NUDT3: variants seen among roughly 807,000 people sequenced by gnomAD.
NUDT3 encodes diphosphoinositol polyphosphate phosphohydrolase 1.
In NUDT3, 9 loss-of-function variants were observed where a neutral mutation model predicts 23.6. That is an observed-to-expected ratio of 0.38 (90% confidence interval 0.23 to 0.66). The LOEUF is 0.66. Ranked by LOEUF, NUDT3 falls within the 30% of genes least tolerant of loss-of-function variation. NUDT3 has a pLI of 0.52. For missense variants in NUDT3, 172 were observed against 218.5 expected (o/e 0.79, Z 1.34); for synonymous variants, 86 against 82.6 (o/e 1.04, Z -0.22).
chr6:34,375,343 C>CA lies in NUDT3; in HGVS notation c.99+16920dup, dbSNP rs749568366. Among the ~76,000 whole-genome samples the CA allele has an allele frequency of 6.7e-5, 10 of 150,226 alleles. 1 individual carries two copies. Among genetic ancestry groups the CA allele is most frequent in the South Asian group, 6.3e-4 (3 of 4,744 alleles). ...TGGGCGACAGAGTAAGACTCTGTAT[C>CA]AAAAAAAAATTAAAAAATAAAAAAT... On this transcript the variant is annotated intron_variant, in intron 1 of 4. Transcript: ENST00000607016.
chr6:34,289,384 T>C (rs867452800), intron 4 of NUDT3, among the ~76,000 whole-genome samples: 36 of 151,718 alleles, frequency 2.4e-4, no homozygotes, highest in African/African-American at 8.8e-4. Flanking sequence ...CTGAGCAACA[T>C]GGCAAAACTC....
chr6:34,360,714 A>G (rs1764637227), intron 1 of NUDT3, among the ~76,000 whole-genome samples: 1 of 152,200 alleles, frequency 6.6e-6, no homozygotes, highest in South Asian at 2.1e-4. Context: ...AAGCTCAAAT[A>G]ACTAGTTTTT....
intron 4 of NUDT3, among the ~76,000 whole-genome samples, chr6:34,291,330 G>A (rs553327839): frequency 1.3e-5 from 2 of 151,714 alleles, no homozygotes; most frequent in African/African-American, 4.8e-5. Context: ...AACCTTCTAG[G>A]GAAAGATATC....
intron 2 of NUDT3, among the ~76,000 whole-genome samples, chr6:34,326,649 G>A (rs1006987956): frequency 1.3e-5 from 2 of 151,392 alleles, no homozygotes; most frequent in African/African-American, 4.9e-5. Context: ...TGCCCAGGCT[G>A]GAGTGCAGTG....
intron 1 of NUDT3, among the ~76,000 whole-genome samples, chr6:34,389,964 A>C (rs1237153568): frequency 2.2e-5 from 2 of 89,422 alleles, no homozygotes; most frequent in Admixed American, 2.9e-4. Context: ...ACTCTGTCTC[A>C]AAAAAAAAAA....
intron 2 of NUDT3, among the ~76,000 whole-genome samples, chr6:34,315,107 C>G (rs930457697): frequency 6.6e-6 from 1 of 152,182 alleles, no homozygotes; most frequent in African/African-American, 2.4e-5. Flanking sequence ...AGGGGTATTA[C>G]ATAAATCTTT....
chr6:34,385,122 A>G (rs1765084227), intron 1 of NUDT3, among the ~76,000 whole-genome samples: 1 of 151,912 alleles, frequency 6.6e-6, no homozygotes, highest in Non-Finnish European at 1.5e-5. Flanking sequence ...TTTATATATT[A>G]CTAATTATAT....
In NUDT3 at chr6:34,291,361, T is replaced by C. The variant is rs138094587; in HGVS notation, c.340+2090A>G. ...ATATCTAGCACAAGAACTACAAAAA[T>C]AGAGCTTCTGAACTTTCAAGGGCTC... is the stretch of plus-strand genomic sequence containing the variant. On this transcript the variant is annotated intron_variant, in intron 4 of 4. Transcript: ENST00000607016. Among the ~76,000 whole-genome samples, 197 of 152,224 alleles carry C rather than the reference T, an allele frequency of 1.3e-3. 1 individual carries two copies. In the East Asian group the frequency reaches 0.013, roughly 10 times the overall value.
At chr6:34,391,954 C>T (rs1765208909) in intron 1 of NUDT3, among the ~76,000 whole-genome samples, 1 of 152,250 alleles carries the variant, frequency 6.6e-6, no homozygotes, top group Admixed American at 6.5e-5. Flanking sequence ...CCGCACTCTT[C>T]CCAGCCCACT....
Position 34,361,497 on chromosome 6 carries a change from C to T in NUDT3, c.100-19525G>A, listed in dbSNP as rs75333911. ...CTTACAAAACTACATATACTCTTAC[C>T]CTATGATAACACAATCATACTTCTT... is the stretch of plus-strand genomic sequence containing the variant. On this transcript the variant is annotated intron_variant, in intron 1 of 4. Coordinates refer to ENST00000607016, the MANE Select transcript of NUDT3 (RefSeq NM_006703.4). 9.4e-3 allele frequency among the ~76,000 whole-genome samples: 1,427 copies of T among 152,164 alleles called. 19 individuals carry two copies. Among genetic ancestry groups the T allele is most frequent in the African/African-American group, 0.029 (1,213 of 41,506 alleles).
At chr6:34,291,988 AT>A (rs746504155) in intron 4 of NUDT3, among the ~76,000 whole-genome samples, 3 of 152,204 alleles carry the variant, frequency 2.0e-5, no homozygotes, top group Admixed American at 6.5e-5. Flanking sequence ...AGATTATTTC[AT>A]TAGGGTCAAT....
At chr6:34,392,202 G>C in intron 1 of NUDT3, 62 bp downstream of exon 1, 1 of 1,373,954 alleles carries the variant, frequency 7.3e-7, no homozygotes, top group South Asian at 1.3e-5. Flanking sequence ...CGCGCCCCTC[G>C]CGCCTCCACC....
intron 1 of NUDT3, among the ~76,000 whole-genome samples, chr6:34,346,012 G>A (rs779635579): frequency 2.6e-5 from 4 of 151,456 alleles, no homozygotes; most frequent in Admixed American, 6.6e-5. Flanking sequence ...CAGGTCATCC[G>A]CCCGCCTTGG....
At chr6:34,297,759 A>ATATATATATATGT (rs60517827) in intron 2 of NUDT3, among the ~76,000 whole-genome samples, 2 of 71,132 alleles carry the variant, frequency 2.8e-5, no homozygotes, top group African/African-American at 6.6e-5. Context: ...ATATATATAT[A>ATATATATATATGT]ATTTTTTTTT....
At chr6:34,354,429 A>ACACACACACC (rs1764527716) in intron 1 of NUDT3, among the ~76,000 whole-genome samples, 1 of 140,660 alleles carries the variant, frequency 7.1e-6, no homozygotes, top group East Asian at 2.1e-4. Context: ...ACACACACAC[A>ACACACACACC]TACACACTCT....
At chr6:34,359,474 C>G (rs932775451) in intron 1 of NUDT3, among the ~76,000 whole-genome samples, 11 of 152,158 alleles carry the variant, frequency 7.2e-5, no homozygotes, top group Admixed American at 7.2e-4. Flanking sequence ...TTTTTTGTAT[C>G]TATGGATTTG....
intron 1 of NUDT3, among the ~76,000 whole-genome samples, chr6:34,389,272 T>A (rs1023346439): frequency 6.6e-6 from 1 of 152,094 alleles, no homozygotes; most frequent in African/African-American, 2.4e-5. Context: ...AATCCAATGG[T>A]TTTACAAGTG....
chr6:34,301,578 G>A (rs1046965143), intron 2 of NUDT3, among the ~76,000 whole-genome samples: 1 of 152,236 alleles, frequency 6.6e-6, no homozygotes, highest in African/African-American at 2.4e-5. Flanking sequence ...AGGCTGAGTG[G>A]CCTACAGCCA....
Position 34,327,160 on chromosome 6 carries a change from G to T in NUDT3, c.210+14702C>A, listed in dbSNP as rs887500056. Among the ~76,000 whole-genome samples the T allele has an allele frequency of 4.6e-5, 7 of 152,048 alleles. 1 individual carries two copies. Among genetic ancestry groups the T allele is most frequent in the Admixed American group, 2.6e-4 (4 of 15,260 alleles). On this transcript the variant is annotated intron_variant, in intron 2 of 4. Coordinates refer to ENST00000607016, the MANE Select transcript of NUDT3 (RefSeq NM_006703.4). ...GCAAGTCACATGATCATAGGACAGG[G>T]GGCCCTTCCCTTATAGGTAGCCGAA...
Sources: allele counts gnomAD v4.1 joint callset (sites outside exome capture counted in the v4.1 genomes callset), GRCh38; gene constraint gnomAD v4.1.1; transcripts MANE v1.5; gene names NCBI Gene and HGNC (gene_info 2026-07-23, HGNC 2026-07-21).